Variants in MTMR10 observed in about 807,000 individuals in gnomAD.
MTMR10 encodes myotubularin related protein 10, also known as myotubularin-related protein 10.
In MTMR10, 56 loss-of-function variants were observed where a neutral mutation model predicts 88.1. The observed-to-expected ratio is 0.64, with a 90% CI of 0.51 to 0.79. The LOEUF (loss-of-function observed/expected upper bound fraction) is 0.79. MTMR10 is among the 30% of genes least tolerant of loss of function. The probability of loss-of-function intolerance (pLI) is 0.00; values close to 1 mark genes in which losing one functional copy is unlikely to be tolerated. For missense variants in MTMR10, 883 were observed against 924.7 expected (o/e 0.95, Z 0.58); for synonymous variants, 380 against 340.9 (o/e 1.11, Z -1.26).
the MTMR10 span, chr15:30,925,766 A>T: frequency 2.5e-6 from 4 of 1,613,520 alleles, no homozygotes; most frequent in Non-Finnish European, 2.5e-6. Flanking sequence ...AGGCTAATAG[A>T]TGTTATTCTG....
chr15:30,963,391 G>A (rs923861776), intron 6 of MTMR10, among the ~76,000 whole-genome samples: 4 of 152,162 alleles, frequency 2.6e-5, no homozygotes, highest in Non-Finnish European at 1.5e-5. Context: ...AACACTTTGG[G>A]AGGCCGAGGT....
chr15:30,944,006 CT>C, intron 14 of MTMR10: 1 of 985,066 alleles, frequency 1.0e-6, no homozygotes. Context: ...TTTCAGTACT[CT>C]CCAAATTTTC....
chr15:30,983,088 T>A (rs2030694408), intron 2 of MTMR10, among the ~76,000 whole-genome samples: 1 of 152,226 alleles, frequency 6.6e-6, no homozygotes, highest in African/African-American at 2.4e-5. Context: ...GTGCTTTTTA[T>A]GCAGTAAAAG....
downstream of MTMR10, among the ~76,000 whole-genome samples, chr15:30,937,458 T>C (rs1046170961): frequency 6.9e-6 from 1 of 145,648 alleles, no homozygotes; most frequent in East Asian, 2.0e-4. Context: ...TTTTTTTTTT[T>C]TTTTTTTTTT....
the MTMR10 span, chr15:30,928,800 A>C: frequency 2.0e-6 from 3 of 1,466,932 alleles, no homozygotes; most frequent in African/African-American, 4.3e-5. Context: ...ATGATAACTT[A>C]TTTTAAAAAT....
At chr15:30,986,185 C>T (rs1040141560) in intron 2 of MTMR10, among the ~76,000 whole-genome samples, 5 of 151,810 alleles carry the variant, frequency 3.3e-5, no homozygotes, top group East Asian at 1.9e-4. Flanking sequence ...GGTGTGGTGG[C>T]GCACGTCTGT....
At chr15:30,945,881 T>C (rs1388374233) in intron 14 of MTMR10, among the ~76,000 whole-genome samples, 1 of 152,200 alleles carries the variant, frequency 6.6e-6, no homozygotes, top group Non-Finnish European at 1.5e-5. Flanking sequence ...CTCTGCCTCC[T>C]GGGCTTAAGC....
chr15:30,982,143 AAG>A (rs1178787365), intron 2 of MTMR10, among the ~76,000 whole-genome samples: 1 of 152,180 alleles, frequency 6.6e-6, no homozygotes, highest in Non-Finnish European at 1.5e-5. Flanking sequence ...AAGGTCTTGA[AAG>A]ATGAGATGAA....
chr15:30,952,669 T>A (rs1369169331), intron 11 of MTMR10, among the ~76,000 whole-genome samples: 1 of 151,706 alleles, frequency 6.6e-6, no homozygotes, highest in African/African-American at 2.4e-5. Flanking sequence ...AGTTTCCAAC[T>A]TTTTTGTGGA....
downstream of MTMR10, chr15:30,937,169 C>G: frequency 6.2e-7 from 1 of 1,614,034 alleles, no homozygotes; most frequent in Non-Finnish European, 8.5e-7. Context: ...AGCAGATGAT[C>G]TGGCTGGCTG....
chr15:30,920,729 T>C, the MTMR10 span: 2 of 810,266 alleles, frequency 2.5e-6, no homozygotes, highest in Non-Finnish European at 4.1e-6. Context: ...GCTGTCGGGC[T>C]CTCAGCATTT....
At position 30,973,380 on chromosome 15, in the gene MTMR10, T is replaced by C. The variant is rs533551237; in HGVS notation, c.474+934A>G. On this transcript the variant is annotated intron_variant, in intron 5 of 15. Transcript: ENST00000435680. The stretch of plus-strand genomic sequence containing the variant: ...TGCTTGCCTTCCTGTGAAGAAACTG[T>C]TGGTTCTCAATCTAAAAACAAATCT... Among the ~76,000 whole-genome samples the C allele has an allele frequency of 2.0e-5, 3 of 152,186 alleles. No individual in the cohort carries two copies. In the South Asian group the frequency reaches 6.2e-4, roughly 31 times the overall value.
the MTMR10 span, among the ~76,000 whole-genome samples, chr15:30,923,252 G>A: frequency 6.6e-6 from 1 of 152,198 alleles, no homozygotes; most frequent in Non-Finnish European, 1.5e-5. Flanking sequence ...TCATGGAGGA[G>A]GGTGTGGGGC....
intron 12 of MTMR10, 135 bp downstream of exon 12, chr15:30,951,832 TC>T: frequency 1.4e-6 from 1 of 733,514 alleles, no homozygotes; most frequent in Non-Finnish European, 2.3e-6. Context: ...ATGTGCAAAA[TC>T]TGTAATGTAT....
chr15:30,928,770 T>C, the MTMR10 span: 1 of 1,549,640 alleles, frequency 6.5e-7, no homozygotes. Context: ...TACGGTCCTT[T>C]GGGTCATCCA....
chr15:30,990,646 A>G (rs1472594670), intron 2 of MTMR10, 131 bp downstream of exon 2: 1 of 742,108 alleles, frequency 1.3e-6, no homozygotes. Flanking sequence ...TTCTCCTCTC[A>G]GTCACTAGAC....
In MTMR10 at chr15:30,974,944, C is replaced by T. The variant is rs1133642; in HGVS notation, c.318G>A (p.Glu106=). ...GEHDVPLTCI[E]QIVTVNDHKR... ...AATACTACGTACCTGTGACAATTTG[C>T]TCAATACATGTTAAAGGGACATCGT... Residue 106 remains glutamate, a synonymous_variant, in exon 4 of 16, where the codon GAG becomes GAA. Coordinates refer to ENST00000435680, the MANE Select transcript of MTMR10 (RefSeq NM_017762.3). The T allele has an allele frequency of 0.45, 710,537 of 1,561,794 alleles. 168,947 individuals carry two copies. Among genetic ancestry groups the T allele is most frequent in the East Asian group, 0.86 (37,078 of 43,220 alleles).
At chr15:30,928,539 T>TGTGTGTGA in the MTMR10 span, 8 of 1,611,200 alleles carry the variant, frequency 5.0e-6, no homozygotes, top group African/African-American at 1.3e-5. Context: ...TGTGTGTGTG[T>TGTGTGTGA]GACCTTGTCT....
chr15:30,933,022 G>A, the MTMR10 span, among the ~76,000 whole-genome samples: 1 of 151,866 alleles, frequency 6.6e-6, no homozygotes, highest in South Asian at 2.1e-4. Flanking sequence ...ACACGGCCAT[G>A]TATTTCTTAC....
Sources: gnomAD v4.1 joint callset for allele counts (sites outside exome capture counted in the v4.1 genomes callset) on GRCh38, gnomAD v4.1.1 for gene constraint, MANE v1.5 for transcripts, NCBI Gene and HGNC (gene_info 2026-07-23, HGNC 2026-07-21) for gene names.